The following TRAF3 variants were observed in gnomAD, a reference collection of about 807,000 sequenced individuals.
TRAF3 encodes TNF receptor-associated factor 3.
In TRAF3, 13 loss-of-function variants were observed where a neutral mutation model predicts 62.3. The ratio of observed to expected loss-of-function variants is 0.21; its 90% CI spans 0.14 to 0.33. The LOEUF (loss-of-function observed/expected upper bound fraction) is 0.33, where lower values mean the gene tolerates loss of function less well. Ranked by LOEUF, TRAF3 falls within the 10% of genes least tolerant of loss-of-function variation. The pLI, the probability that TRAF3 is intolerant of heterozygous loss-of-function variation, is 1.00. For missense variants in TRAF3, 440 were observed against 741.8 expected, an observed-to-expected ratio of 0.59 and a Z score of 4.73; for synonymous variants, 269 against 283.4, an observed-to-expected ratio of 0.95 and a Z score of 0.51.
At chr14:102,783,879 G>T (rs985121325) in intron 1 of TRAF3, among the ~76,000 whole-genome samples, 5 of 152,160 alleles carry the variant, frequency 3.3e-5, no homozygotes, top group African/African-American at 1.2e-4. Context: ...ATAAAATGGG[G>T]CTACTAGCAC....
At chr14:102,787,050 A>C (rs1354592367) in intron 1 of TRAF3, among the ~76,000 whole-genome samples, 5 of 152,120 alleles carry the variant, frequency 3.3e-5, no homozygotes, top group Admixed American at 2.0e-4. Context: ...ATAAGAACCT[A>C]ATATTTCAGA....
intron 2 of TRAF3, among the ~76,000 whole-genome samples, chr14:102,841,898 A>G (rs1387419240): frequency 6.6e-6 from 1 of 152,162 alleles, no homozygotes; most frequent in Non-Finnish European, 1.5e-5. Flanking sequence ...AGTGAAATGA[A>G]AGACTCAAAA....
intron 2 of TRAF3, among the ~76,000 whole-genome samples, chr14:102,850,362 A>C (rs141364776): frequency 6.6e-6 from 1 of 152,188 alleles, no homozygotes; most frequent in African/African-American, 2.4e-5. Context: ...AACAGTAAGT[A>C]AAGTAATAGA....
chr14:102,781,696 G>A (rs1011840025), intron 1 of TRAF3, among the ~76,000 whole-genome samples: 2 of 151,872 alleles, frequency 1.3e-5, no homozygotes, highest in African/African-American at 2.4e-5. Flanking sequence ...GCCCGATCTC[G>A]GCTTGCTGCA....
intron 2 of TRAF3, among the ~76,000 whole-genome samples, chr14:102,842,163 G>T (rs1317296498): frequency 6.6e-6 from 1 of 151,708 alleles, no homozygotes; most frequent in Non-Finnish European, 1.5e-5. Flanking sequence ...AGGATCACTT[G>T]AACCCGGGAG....
At chr14:102,870,742 T>A (rs1333400508) in intron 3 of TRAF3, among the ~76,000 whole-genome samples, 4 of 152,070 alleles carry the variant, frequency 2.6e-5, no homozygotes, top group Non-Finnish European at 5.9e-5. Flanking sequence ...ACCTCACAGT[T>A]CCATGGAGGA....
At chr14:102,835,386 C>T (rs771350029) in intron 2 of TRAF3, among the ~76,000 whole-genome samples, 12 of 152,168 alleles carry the variant, frequency 7.9e-5, no homozygotes, top group Non-Finnish European at 1.8e-4. Flanking sequence ...ACCCAGCAAT[C>T]CCATTACTGG....
At chr14:102,882,566 TG>T (rs1306521653) in intron 6 of TRAF3, among the ~76,000 whole-genome samples, 15 of 118,540 alleles carry the variant, frequency 1.3e-4, no homozygotes, top group East Asian at 2.3e-4. Flanking sequence ...CCATGTATTT[TG>T]TTTTTTTTTT....
chr14:102,793,627 G>A (rs905894249), intron 1 of TRAF3, among the ~76,000 whole-genome samples: 1 of 152,192 alleles, frequency 6.6e-6, no homozygotes, highest in African/African-American at 2.4e-5. Context: ...CATTCATGTT[G>A]TAGTGCCAGC....
intron 7 of TRAF3, among the ~76,000 whole-genome samples, chr14:102,887,599 CT>C (rs931159273): frequency 1.1e-3 from 162 of 146,204 alleles, no homozygotes; most frequent in Admixed American, 1.6e-3. Flanking sequence ...GAAATAATTT[CT>C]TTTTTTTTTT....
chr14:102,842,052 CT>C (rs1886401996), intron 2 of TRAF3, among the ~76,000 whole-genome samples: 1 of 151,948 alleles, frequency 6.6e-6, no homozygotes, highest in African/African-American at 2.4e-5. Flanking sequence ...GAAGAGTAGC[CT>C]GGCCAACATG....
chr14:102,834,979 A>G (rs1246375419), intron 2 of TRAF3, among the ~76,000 whole-genome samples: 1 of 152,222 alleles, frequency 6.6e-6, no homozygotes, highest in Non-Finnish European at 1.5e-5. Context: ...AGCATGGGAG[A>G]AAATATTTGT....
At position 102,906,995 on chromosome 14, in the gene TRAF3, C is replaced by T. The variant is rs1890614546; in HGVS notation, c.*1211C>T. ...TTTAACCAGACTTTTCTCTCCACCA[C>T]TAGATCTTTGTCTCTACAAGGGCCC... is the stretch of plus-strand genomic sequence containing the variant. On this transcript the variant is annotated 3_prime_UTR_variant, in exon 12 of 12. Transcript: ENST00000392745. 6.6e-6 allele frequency: 1 copy of T among 152,272 alleles called. No individual in the cohort carries two copies. Among genetic ancestry groups the T allele is most frequent in the Non-Finnish European group, 1.5e-5 (1 of 68,056 alleles). 9.4% of individuals were successfully genotyped at this position (152,272 alleles called of 1,614,324 possible). A position where few individuals can be genotyped will look rare whatever the true frequency, so the allele number is the denominator to read the frequency against.
At chr14:102,891,564 T>A (rs1164326416) in intron 9 of TRAF3, 147 bp downstream of exon 9, 1 of 915,476 alleles carries the variant, frequency 1.1e-6, no homozygotes, top group East Asian at 2.7e-5. Flanking sequence ...GATCTTGAGC[T>A]TATAAATGAA....
intron 1 of TRAF3, among the ~76,000 whole-genome samples, chr14:102,808,513 A>T (rs1200897108): frequency 2.5e-4 from 1 of 4,022 alleles, no homozygotes; most frequent in Non-Finnish European, 4.5e-4. Context: ...ACTCCATCTC[A>T]AAAAAAAAAA....
At chr14:102,900,052 G>A (rs1000889291) in intron 10 of TRAF3, among the ~76,000 whole-genome samples, 4 of 151,218 alleles carry the variant, frequency 2.6e-5, no homozygotes, top group African/African-American at 4.9e-5. Context: ...GGTGGTGGGC[G>A]CCTGTAGTCC....
Position 102,903,633 on chromosome 14 carries a change from C to T in TRAF3, c.1135+204C>T, listed in dbSNP as rs760910396. ...AAACGTTTCCCGCGCAGGCTTGTCC[C>T]CTCCGTGTGAGGCCCTACATGGTGT... On this transcript the variant is annotated intron_variant, in intron 11 of 11. Coordinates refer to ENST00000392745, the MANE Select transcript of TRAF3 (RefSeq NM_145725.3). This position sits in a 1 kb window ranked among gnomAD's most constrained non-coding sequence, Gnocchi z 6.4. The T allele has an allele frequency of 2.6e-5, 20 of 783,908 alleles. No individual in the cohort carries two copies. The highest frequency in any genetic ancestry group is 2.5e-4 in the South Asian group (17 of 68,704). 48.6% of individuals were successfully genotyped at this position (783,908 alleles called of 1,614,324 possible).
intron 6 of TRAF3, among the ~76,000 whole-genome samples, chr14:102,876,895 T>A (rs1347004562): frequency 1.4e-5 from 2 of 147,432 alleles, no homozygotes; most frequent in African/African-American, 5.1e-5. Flanking sequence ...TCGTAGATAA[T>A]CCGTTCCACA....
At chr14:102,900,515 A>G (rs562404087) in intron 10 of TRAF3, among the ~76,000 whole-genome samples, 1 of 152,344 alleles carries the variant, frequency 6.6e-6, no homozygotes, top group African/African-American at 2.4e-5. Context: ...AAAAAAGAAG[A>G]TAGCATAGGT....
Sources: gnomAD v4.1 joint callset for allele counts (sites outside exome capture counted in the v4.1 genomes callset) on GRCh38, gnomAD v4.1.1 for gene constraint, Gnocchi (gnomAD v3.1) non-coding constraint, MANE v1.5 for transcripts, NCBI Gene and HGNC (gene_info 2026-07-23, HGNC 2026-07-21) for gene names.